Variants in SYN2 observed in about 807,000 individuals in gnomAD.
SYN2 encodes synapsin-2.
In SYN2, 19 loss-of-function variants were observed where a neutral mutation model predicts 50.9. The observed-to-expected ratio is 0.37, with a 90% confidence interval of 0.26 to 0.55. SYN2 has a LOEUF of 0.55. Ranked by LOEUF, SYN2 falls within the 20% of genes least tolerant of loss-of-function variation. SYN2 has a pLI of 0.81. For missense variants in SYN2, 587 were observed against 576.4 expected (o/e 1.02, Z -0.19); for synonymous variants, 255 against 224.9 (o/e 1.13, Z -1.20).
intron 1 of SYN2, among the ~76,000 whole-genome samples, chr3:12,081,920 T>G (rs1433275815): frequency 1.3e-5 from 2 of 152,302 alleles, no homozygotes; most frequent in East Asian, 1.9e-4. Context: ...TCATTAACTT[T>G]AATATTTGTT....
At chr3:12,058,187 A>G (rs969751195) in intron 1 of SYN2, among the ~76,000 whole-genome samples, 1 of 152,212 alleles carries the variant, frequency 6.6e-6, no homozygotes, top group African/African-American at 2.4e-5. Context: ...ATGTTTTTGA[A>G]ACAATAGATT....
intron 5 of SYN2, chr3:12,157,620 T>C: frequency 4.0e-6 from 3 of 742,248 alleles, no homozygotes; most frequent in Non-Finnish European, 6.8e-6. Context: ...AGCAACGTGA[T>C]GTGTGAGAAG....
chr3:12,024,074 A>G (rs930131541), intron 1 of SYN2, among the ~76,000 whole-genome samples: 2 of 151,606 alleles, frequency 1.3e-5, no homozygotes, highest in African/African-American at 4.8e-5. Context: ...GTATAAAATT[A>G]TAAAGTATGA....
At chr3:12,093,930 C>T (rs1695878987) in intron 1 of SYN2, among the ~76,000 whole-genome samples, 1 of 146,378 alleles carries the variant, frequency 6.8e-6, no homozygotes, top group South Asian at 2.1e-4. Flanking sequence ...AATCTTGGTT[C>T]ACTGCAACCT....
chr3:12,114,541 G>C (rs994714273), intron 1 of SYN2, among the ~76,000 whole-genome samples: 11 of 151,450 alleles, frequency 7.3e-5, no homozygotes, highest in African/African-American at 2.7e-4. Flanking sequence ...TTATCTCTAT[G>C]TTTTCTTCTA....
In SYN2 at chr3:12,190,788, AT is replaced by A; in HGVS notation, c.*166del. ...GATGTTGTGCAGCCCAGAAAGGACC[AT>A]TTGACAGTCTCAGGGCAGGTGCCTA... is the stretch of plus-strand genomic sequence containing the variant. On this transcript the variant is annotated 3_prime_UTR_variant, in exon 13 of 13. Transcript: ENST00000621198. 1 of 1,387,918 alleles carries A rather than the reference AT, an allele frequency of 7.2e-7. No individual in the cohort carries two copies. The highest frequency in any genetic ancestry group is 9.3e-7 in the Non-Finnish European group (1 of 1,078,390). 86.0% of individuals were successfully genotyped at this position (1,387,918 alleles called of 1,614,324 possible).
rs768397249 is a variant in SYN2, at chr3:12,169,575, T to G, written c.1159-182T>G. ...GGGGAAAAGACCTGAGGCAAAGGTT[T>G]GTAGAAGGAAGGGACAAAGATCCTA... On this transcript the variant is annotated intron_variant, in intron 9 of 12. Coordinates refer to ENST00000621198, the MANE Select transcript of SYN2 (RefSeq NM_133625.6). Among the ~76,000 whole-genome samples, 22 of 152,156 alleles carry G rather than the reference T, an allele frequency of 1.4e-4. 1 individual carries two copies. Among genetic ancestry groups the G allele is most frequent in the Non-Finnish European group, 3.1e-4 (21 of 68,034 alleles).
chr3:12,115,488 G>C (rs1033230864), intron 1 of SYN2, among the ~76,000 whole-genome samples: 4 of 152,150 alleles, frequency 2.6e-5, no homozygotes, highest in African/African-American at 9.7e-5. Context: ...AAAGTTGGCT[G>C]TGAAAAGCGT....
chr3:12,108,823 A>G (rs527499881), intron 1 of SYN2, among the ~76,000 whole-genome samples: 5 of 145,742 alleles, frequency 3.4e-5, no homozygotes, highest in South Asian at 4.3e-4. Flanking sequence ...AAAAAAAAAC[A>G]TATAATCAGT....
chr3:12,142,009 C>T lies in SYN2; in HGVS notation c.527+13C>T. The T allele has an allele frequency of 1.3e-6, 1 of 780,698 alleles. No individual in the cohort carries two copies. The highest frequency in any genetic ancestry group is 2.4e-5 in the East Asian group (1 of 41,254). 48.4% of individuals were successfully genotyped at this position (780,698 alleles called of 1,614,324 possible). On this transcript the variant is annotated intron_variant, in intron 3 of 12. Transcript: ENST00000621198. ...CAAAGGTTGTCCGGTAAGGGTCTTT[C>T]TGTCCTCAGGATCATTGTGACTGTC...
intron 1 of SYN2, among the ~76,000 whole-genome samples, chr3:12,010,144 G>C (rs903893908): frequency 7.2e-5 from 11 of 152,164 alleles, no homozygotes; most frequent in Non-Finnish European, 1.5e-5. Flanking sequence ...TGGAGACCTA[G>C]TCGTCAAAAT....
At chr3:12,086,946 T>C (rs1349266753) in intron 1 of SYN2, among the ~76,000 whole-genome samples, 1 of 152,162 alleles carries the variant, frequency 6.6e-6, no homozygotes, top group Non-Finnish European at 1.5e-5. Flanking sequence ...TATTATATAT[T>C]TTTTAAAAAT....
intron 4 of SYN2, among the ~76,000 whole-genome samples, chr3:12,148,227 G>T (rs1697197684): frequency 6.6e-6 from 1 of 152,204 alleles, no homozygotes; most frequent in Non-Finnish European, 1.5e-5. Flanking sequence ...CGGGATCTGG[G>T]ATCTGGTGAG....
intron 5 of SYN2, chr3:12,154,465 T>A: frequency 6.2e-7 from 1 of 1,613,622 alleles, no homozygotes; most frequent in Non-Finnish European, 8.5e-7. Flanking sequence ...CAAGGGGAGA[T>A]GGAGGAGAGT....
At chr3:12,121,736 TGAAG>T (rs1268330159) in intron 1 of SYN2, among the ~76,000 whole-genome samples, 2 of 146,694 alleles carry the variant, frequency 1.4e-5, no homozygotes, top group Non-Finnish European at 3.0e-5. Context: ...AAGGAAGGAA[TGAAG>T]GAAAGAAGGA....
intron 1 of SYN2, among the ~76,000 whole-genome samples, chr3:12,006,346 G>A (rs1693800634): frequency 1.3e-5 from 2 of 152,324 alleles, no homozygotes; most frequent in Middle Eastern, 6.8e-3. Context: ...ATGGAAGAGG[G>A]TAATGGGGAA....
At chr3:12,185,786 A>G in intron 11 of SYN2, 1 of 984,696 alleles carries the variant, frequency 1.0e-6, no homozygotes, top group South Asian at 4.7e-5. Context: ...ATGGGAAAGC[A>G]CTCAGGTTTC....
intron 5 of SYN2, chr3:12,154,392 C>G: frequency 1.9e-6 from 3 of 1,614,192 alleles, no homozygotes; most frequent in East Asian, 2.2e-5. Context: ...GACAGGTCCT[C>G]CCAGGGCTCG....
chr3:12,047,542 A>C (rs1400958762), intron 1 of SYN2, among the ~76,000 whole-genome samples: 1 of 152,146 alleles, frequency 6.6e-6, no homozygotes, highest in Admixed American at 6.5e-5. Context: ...TCTTTCTGGC[A>C]TTCTTCAGCA....
Sources: gnomAD v4.1 joint callset for allele counts (sites outside exome capture counted in the v4.1 genomes callset) on GRCh38, gnomAD v4.1.1 for gene constraint, MANE v1.5 for transcripts, NCBI Gene and HGNC (gene_info 2026-07-23, HGNC 2026-07-21) for gene names.